SLC39A11: variants seen among roughly 807,000 people sequenced by gnomAD.
SLC39A11 encodes the protein solute carrier family 39 member 11, also known as zinc transporter ZIP11.
Under a neutral mutation model 36.1 loss-of-function variants are expected in SLC39A11, and 33 were observed. The ratio of observed to expected loss-of-function variants is 0.91; its 90% CI spans 0.69 to 1.22. The LOEUF (loss-of-function observed/expected upper bound fraction) is 1.22, where lower values mean the gene tolerates loss of function less well. Ranked by LOEUF, SLC39A11 falls within the 50% of genes most tolerant of loss-of-function variation. The probability of loss-of-function intolerance (pLI) is 0.00; values close to 1 mark genes in which losing one functional copy is unlikely to be tolerated. For synonymous variants in SLC39A11, 166 were observed against 170.3 expected (o/e 0.97, Z 0.20); for missense variants, 432 against 430.3 (o/e 1.00, Z -0.03).
At chr17:72,924,336 T>TA (rs2083903800) in intron 5 of SLC39A11, among the ~76,000 whole-genome samples, 1 of 151,942 alleles carries the variant, frequency 6.6e-6, no homozygotes, top group African/African-American at 2.4e-5. Context: ...ATTAGTGACA[T>TA]GGTCTCACAG....
chr17:73,056,091 G>A (rs909058680), intron 3 of SLC39A11, among the ~76,000 whole-genome samples: 1 of 152,144 alleles, frequency 6.6e-6, no homozygotes, highest in South Asian at 2.1e-4. Flanking sequence ...GAGAGGCACC[G>A]CTGGCCCCGT....
Position 72,915,340 on chromosome 17 carries a change from A to G in SLC39A11, c.430+32412T>C, listed in dbSNP as rs140392812. Among the ~76,000 whole-genome samples the G allele has an allele frequency of 1.1e-3, 166 of 152,216 alleles. 1 individual carries two copies. The highest frequency in any genetic ancestry group is 3.4e-4 in the Non-Finnish European group (23 of 68,010). On this transcript the variant is annotated intron_variant, in intron 5 of 9. Coordinates refer to ENST00000255559, the MANE Select transcript of SLC39A11 (RefSeq NM_139177.4). ...CCCTGTAGCCCACCAGAATTGTTCA[A>G]ACTAGCTCGTTTTAATGCTTTACCT...
At chr17:72,948,055 T>C (rs1277075519) in intron 4 of SLC39A11, among the ~76,000 whole-genome samples, 180 bp from the exon 5 acceptor site, 1 of 152,092 alleles carries the variant, frequency 6.6e-6, no homozygotes, top group African/African-American at 2.4e-5. Flanking sequence ...TGACAAACTT[T>C]CCAGGTATAG....
intron 6 of SLC39A11, among the ~76,000 whole-genome samples, chr17:72,743,232 T>C (rs996204704): frequency 6.8e-6 from 1 of 148,088 alleles, no homozygotes; most frequent in Non-Finnish European, 1.5e-5. Flanking sequence ...CAGTCTCTCA[T>C]TGTTTCCTGC....
intron 5 of SLC39A11, among the ~76,000 whole-genome samples, chr17:72,916,689 T>C (rs62069603): frequency 0.14 from 21,874 of 152,050 alleles, 1,919 homozygotes; most frequent in Non-Finnish European, 0.2. Context: ...GAGAGATACA[T>C]CCCAGCCTTC....
intron 5 of SLC39A11, 52 bp from the exon 6 acceptor site, chr17:72,849,856 T>A (rs768700741): frequency 6.8e-7 from 1 of 1,460,236 alleles, no homozygotes; most frequent in Middle Eastern, 1.8e-4. Flanking sequence ...GCTTTGAACA[T>A]GTGCACGTTA....
intron 7 of SLC39A11, among the ~76,000 whole-genome samples, chr17:72,710,878 A>G (rs1474321628): frequency 1.3e-5 from 2 of 152,192 alleles, no homozygotes; most frequent in African/African-American, 4.8e-5. Flanking sequence ...AGTTTTCATC[A>G]TTTTAATGTC....
At chr17:72,884,934 A>C (rs1273659943) in intron 5 of SLC39A11, among the ~76,000 whole-genome samples, 2 of 151,770 alleles carry the variant, frequency 1.3e-5, no homozygotes, top group African/African-American at 4.8e-5. Flanking sequence ...TGGTAATATT[A>C]AATGAGTCTT....
intron 6 of SLC39A11, among the ~76,000 whole-genome samples, chr17:72,757,287 A>G (rs1012085828): frequency 1.3e-5 from 2 of 152,208 alleles, no homozygotes; most frequent in Non-Finnish European, 2.9e-5. Context: ...ACCCGATTCA[A>G]GTAAAGACAG....
At chr17:72,950,187 C>A (rs2085765058) in intron 4 of SLC39A11, among the ~76,000 whole-genome samples, 1 of 152,198 alleles carries the variant, frequency 6.6e-6, no homozygotes, top group Non-Finnish European at 1.5e-5. Flanking sequence ...CTATGAATGT[C>A]TTTTAATAAA....
At chr17:72,978,385 G>A (rs969850841) in intron 4 of SLC39A11, among the ~76,000 whole-genome samples, 2 of 152,162 alleles carry the variant, frequency 1.3e-5, no homozygotes, top group Non-Finnish European at 2.9e-5. Flanking sequence ...TGGGGAAACC[G>A]ATGATAAAGA....
At chr17:73,037,885 G>A (rs2058973670) in intron 3 of SLC39A11, among the ~76,000 whole-genome samples, 2 of 152,218 alleles carry the variant, frequency 1.3e-5, no homozygotes, top group African/African-American at 4.8e-5. Flanking sequence ...AATTTCTTTT[G>A]CTAAATAATG....
In SLC39A11 at chr17:73,031,629, A is replaced by G. The variant is rs1453090536; in HGVS notation, c.233T>C (p.Phe78Ser). 6.2e-7 allele frequency: 1 copy of G among 1,614,200 alleles called. No individual in the cohort carries two copies. Among genetic ancestry groups the G allele is most frequent in the Admixed American group, 1.7e-5 (1 of 60,010 alleles). The change falls in exon 4 of 10, where the codon TTC (phenylalanine) becomes TCC (serine). Residue 78 changes from phenylalanine (F) to serine (S), a missense_variant. Physicochemically the swap from Phe to Ser is radical, Grantham distance 155. Transcript: ENST00000255559. ...GGTGAAGCCAACAGCCACAGGGAAG[A>G]AGGCAAAGGCACCGAAGCCCCCAGA... ...TSSGGFGAFA[F>S]FPVAVGFTLG...
At chr17:72,863,695 A>G (rs1217219186) in intron 5 of SLC39A11, among the ~76,000 whole-genome samples, 1 of 152,216 alleles carries the variant, frequency 6.6e-6, no homozygotes, top group Non-Finnish European at 1.5e-5. Flanking sequence ...TAAGCCTTGT[A>G]GAATCGCCCA....
At chr17:73,078,941 A>G (rs959119084) in intron 3 of SLC39A11, among the ~76,000 whole-genome samples, 7 of 58,954 alleles carry the variant, frequency 1.2e-4, no homozygotes, top group Non-Finnish European at 2.2e-4. Flanking sequence ...GTTACATTTT[A>G]CACACACACA....
chr17:72,718,626 A>T (rs549855260), intron 7 of SLC39A11, among the ~76,000 whole-genome samples: 1 of 152,330 alleles, frequency 6.6e-6, no homozygotes, highest in South Asian at 2.1e-4. Context: ...TTAAGAGCAC[A>T]GGCTCTGGAG....
intron 6 of SLC39A11, among the ~76,000 whole-genome samples, chr17:72,766,983 G>C (rs769753960): frequency 3.3e-5 from 5 of 151,918 alleles, no homozygotes; most frequent in Non-Finnish European, 7.4e-5. Context: ...TCCGACCAGA[G>C]ACATTCCAAC....
At chr17:72,886,868 G>A (rs1197799575) in intron 5 of SLC39A11, among the ~76,000 whole-genome samples, 1 of 152,094 alleles carries the variant, frequency 6.6e-6, no homozygotes, top group Non-Finnish European at 1.5e-5. Flanking sequence ...TCCCTCCTAG[G>A]GTGCTCCCTC....
chr17:72,650,447 A>G (rs2069797402), intron 7 of SLC39A11, among the ~76,000 whole-genome samples: 1 of 152,192 alleles, frequency 6.6e-6, no homozygotes, highest in South Asian at 2.1e-4. Context: ...GCTGCAAACT[A>G]CAGCAAATCA....
Sources: gnomAD v4.1 joint callset for allele counts (sites outside exome capture counted in the v4.1 genomes callset) on GRCh38, gnomAD v4.1.1 for gene constraint, MANE v1.5 for transcripts, NCBI Gene and HGNC (gene_info 2026-07-23, HGNC 2026-07-21) for gene names.